Variants in RORA observed in about 807,000 individuals in gnomAD.
The protein encoded by RORA is nuclear receptor ROR-alpha.
RORA carries 7 observed loss-of-function variants against 69.5 expected under a neutral mutation model. That is an observed-to-expected ratio of 0.10 (90% confidence interval 0.06 to 0.19). RORA has a LOEUF of 0.19. Among genes scored for constraint, RORA ranks in the 10% least tolerant of loss-of-function variants. The probability of loss-of-function intolerance (pLI) is 1.00; values close to 1 mark genes in which losing one functional copy is unlikely to be tolerated. For synonymous variants in RORA, 261 were observed against 240.8 expected (o/e 1.08, Z -0.78); for missense variants, 457 against 663.0 (o/e 0.69, Z 3.41).
chr15:61,137,019 A>AAAGG (rs2079246634), intron 1 of RORA, among the ~76,000 whole-genome samples: 1 of 61,104 alleles, frequency 1.6e-5, no homozygotes, highest in Non-Finnish European at 3.4e-5. Context: ...AAATAAATAA[A>AAAGG]AAAGAAAGAA....
At chr15:60,533,281 A>C (rs2066581025) in intron 2 of RORA, among the ~76,000 whole-genome samples, 1 of 152,054 alleles carries the variant, frequency 6.6e-6, no homozygotes, top group Admixed American at 6.5e-5. Flanking sequence ...AAATTTAGAG[A>C]TTGTTCCAGA....
intron 1 of RORA, among the ~76,000 whole-genome samples, chr15:60,764,277 C>CG (rs1326533087): frequency 1.3e-5 from 2 of 151,498 alleles, no homozygotes; most frequent in Non-Finnish European, 2.9e-5. Context: ...GGGTGGGAAG[C>CG]GGGGGGTATG....
chr15:60,590,168 T>TA (rs2068454188), intron 2 of RORA, among the ~76,000 whole-genome samples: 1 of 133,264 alleles, frequency 7.5e-6, no homozygotes, highest in African/African-American at 3.0e-5. Context: ...TCTCTCCCTC[T>TA]TCCTCTATCT....
chr15:60,869,790 C>T (rs960180844), intron 1 of RORA, among the ~76,000 whole-genome samples: 6 of 152,166 alleles, frequency 3.9e-5, no homozygotes, highest in Non-Finnish European at 7.3e-5. Context: ...CGATGCTAGC[C>T]CTAAGGGGAA....
At chr15:60,743,966 A>G (rs1004400276) in intron 1 of RORA, among the ~76,000 whole-genome samples, 1 of 152,190 alleles carries the variant, frequency 6.6e-6, no homozygotes, top group African/African-American at 2.4e-5. Flanking sequence ...GTTGGTTTCC[A>G]TTGGAGAAAC....
At chr15:61,031,326 G>C (rs1896157425) in intron 1 of RORA, among the ~76,000 whole-genome samples, 1 of 151,994 alleles carries the variant, frequency 6.6e-6, no homozygotes, top group African/African-American at 2.4e-5. Context: ...TCTTCATCTG[G>C]GATCTATAAT....
At chr15:60,628,548 A>C (rs900836518) in intron 2 of RORA, among the ~76,000 whole-genome samples, 1 of 152,118 alleles carries the variant, frequency 6.6e-6, no homozygotes, top group East Asian at 1.9e-4. Flanking sequence ...CATTTTTTTA[A>C]ATACAGACAG....
intron 1 of RORA, among the ~76,000 whole-genome samples, chr15:60,686,062 CA>C (rs889525996): frequency 3.9e-4 from 58 of 149,372 alleles, no homozygotes; most frequent in African/African-American, 4.9e-4. Flanking sequence ...TTTTTGAATT[CA>C]AAAAAAAAAT....
Position 60,867,710 on chromosome 15 carries a change from A to G in RORA, c.167-189024T>C, listed in dbSNP as rs558853995. Among the ~76,000 whole-genome samples, 147 of 152,292 alleles carry G rather than the reference A, an allele frequency of 9.7e-4. 1 individual carries two copies. The highest frequency in any genetic ancestry group is 3.4e-3 in the African/African-American group (140 of 41,544). On this transcript the variant is annotated intron_variant, in intron 1 of 10. Transcript: ENST00000335670. ...AAATTTTGTTGAGGCTACAGCTACCAGGATCTCTTGATATTCTCTATATGA... is the reference window on the plus strand; with the variant it reads ...AAATTTTGTTGAGGCTACAGCTACCGGGATCTCTTGATATTCTCTATATGA...
In RORA at chr15:60,534,582, C is replaced by T. The variant is rs966995898; in HGVS notation, c.197-2731G>A. On this transcript the variant is annotated intron_variant, in intron 2 of 10. Coordinates refer to ENST00000335670, the MANE Select transcript of RORA (RefSeq NM_134261.3). This position sits in a 1 kb window ranked among gnomAD's most constrained non-coding sequence, Gnocchi z 5.0. ...CAGATTTAATTGAAACAGGCTTCACCGGGAATCTCTCGGTAAGGTGGTAGA... is the reference window on the plus strand; with the variant it reads ...CAGATTTAATTGAAACAGGCTTCACTGGGAATCTCTCGGTAAGGTGGTAGA... 3.3e-5 allele frequency among the ~76,000 whole-genome samples: 5 copies of T among 152,092 alleles called. No individual in the cohort carries two copies. The highest frequency in any genetic ancestry group is 2.1e-4 in the South Asian group (1 of 4,774).
intron 2 of RORA, among the ~76,000 whole-genome samples, chr15:60,543,169 ACTTTTTTTTTTTTTTTTTTTTTT>A (rs1185381545): frequency 8.2e-6 from 1 of 121,432 alleles, no homozygotes; most frequent in Non-Finnish European, 1.6e-5. Flanking sequence ...GAAAGTGAAA[ACTTTTTTTTTTTTTTTTTTTTTT>A]TTTTTTTTTT....
intron 1 of RORA, among the ~76,000 whole-genome samples, chr15:60,823,103 CTTCTCT>C (rs1567203295): frequency 1.8e-5 from 1 of 54,830 alleles, no homozygotes; most frequent in Non-Finnish European, 3.6e-5. Flanking sequence ...TTCCTTCATT[CTTCTCT>C]TTCTCTCTCT....
At chr15:60,910,272 A>G (rs548199144) in intron 1 of RORA, among the ~76,000 whole-genome samples, 1 of 152,196 alleles carries the variant, frequency 6.6e-6, no homozygotes, top group Non-Finnish European at 1.5e-5. Context: ...CCCTGACTGG[A>G]TTCCCTAAAC....
At chr15:60,998,402 CT>C (rs35933156) in intron 1 of RORA, among the ~76,000 whole-genome samples, 62,580 of 146,478 alleles carry the variant, frequency 0.43, 13,999 homozygotes, top group Non-Finnish European at 0.51. Context: ...ATATTTCTTT[CT>C]TTTTTTTTTT....
chr15:60,837,154 G>A (rs990828268), intron 1 of RORA, among the ~76,000 whole-genome samples: 2 of 151,784 alleles, frequency 1.3e-5, no homozygotes, highest in Admixed American at 6.6e-5. Context: ...TTATAGGCAT[G>A]AGCCATCATG....
chr15:60,644,256 C>T (rs1596091325), intron 2 of RORA, among the ~76,000 whole-genome samples: 1 of 152,146 alleles, frequency 6.6e-6, no homozygotes, highest in East Asian at 1.9e-4. Flanking sequence ...GAGTCTTTGA[C>T]ACAGGCCCCT....
intron 1 of RORA, among the ~76,000 whole-genome samples, chr15:61,019,172 CA>C (rs1378754410): frequency 2.0e-5 from 3 of 152,198 alleles, no homozygotes; most frequent in Non-Finnish European, 2.9e-5. Flanking sequence ...AGAACATGCC[CA>C]GCGGAATACA....
chr15:60,825,930 G>C (rs1279543736), intron 1 of RORA, among the ~76,000 whole-genome samples: 1 of 152,150 alleles, frequency 6.6e-6, no homozygotes, highest in Non-Finnish European at 1.5e-5. Flanking sequence ...TGAAATTCTA[G>C]CATTATAAAT....
intron 1 of RORA, among the ~76,000 whole-genome samples, chr15:60,907,634 C>T (rs1447120318): frequency 6.6e-6 from 1 of 152,208 alleles, no homozygotes; most frequent in Admixed American, 6.5e-5. Flanking sequence ...TGTTAGGACT[C>T]AGGCACCCAT....
Sources: gnomAD v4.1 joint callset for allele counts (sites outside exome capture counted in the v4.1 genomes callset) on GRCh38, gnomAD v4.1.1 for gene constraint, Gnocchi (gnomAD v3.1) non-coding constraint, MANE v1.5 for transcripts, NCBI Gene and HGNC (gene_info 2026-07-23, HGNC 2026-07-21) for gene names.